SAMMSON: variants seen among roughly 807,000 people sequenced by gnomAD.
The protein encoded by SAMMSON is survival associated mitochondrial melanoma specific oncogenic non-coding RNA.
At chr3:70,372,091 A>G (rs1424923799) in intron 9 of SAMMSON, among the ~76,000 whole-genome samples, 3 of 152,140 alleles carry the variant, frequency 2.0e-5, no homozygotes, top group African/African-American at 7.2e-5. Context: ...ATTGAGAATC[A>G]TCAGAAATTT....
intron 4 of SAMMSON, among the ~76,000 whole-genome samples, chr3:70,193,318 A>G (rs1394766422): frequency 6.6e-6 from 1 of 152,130 alleles, no homozygotes; most frequent in Non-Finnish European, 1.5e-5. Context: ...TTTGAGGACA[A>G]GGTCTTGCTC....
At chr3:70,009,458 G>C (rs551274352) in intron 1 of SAMMSON, among the ~76,000 whole-genome samples, 145 of 152,250 alleles carry the variant, frequency 9.5e-4, no homozygotes, top group South Asian at 2.7e-3. Context: ...ATGGTAGTTT[G>C]TATTTCTGTG....
At chr3:70,056,403 G>A (rs930722163) in intron 3 of SAMMSON, among the ~76,000 whole-genome samples, 1 of 151,976 alleles carries the variant, frequency 6.6e-6, no homozygotes, top group Non-Finnish European at 1.5e-5. Context: ...AAAGACTTAC[G>A]AGCTTCTTAA....
chr3:70,087,293 C>T (rs1376685612), intron 4 of SAMMSON, among the ~76,000 whole-genome samples: 1 of 152,160 alleles, frequency 6.6e-6, no homozygotes, highest in Non-Finnish European at 1.5e-5. Flanking sequence ...TGCAAATAAA[C>T]ATTAGCTTAT....
chr3:70,090,531 C>T (rs751749087), intron 4 of SAMMSON, among the ~76,000 whole-genome samples: 5 of 152,154 alleles, frequency 3.3e-5, no homozygotes, highest in Non-Finnish European at 5.9e-5. Context: ...AGGAGGAAAC[C>T]TCAACCCATG....
chr3:70,382,007 A>G (rs937387710), intron 9 of SAMMSON, among the ~76,000 whole-genome samples: 5 of 152,126 alleles, frequency 3.3e-5, no homozygotes, highest in Non-Finnish European at 7.4e-5. Flanking sequence ...TATTGTGATT[A>G]TGTGGGAAAA....
intron 6 of SAMMSON, among the ~76,000 whole-genome samples, chr3:70,260,246 A>G (rs1362973726): frequency 6.6e-6 from 1 of 151,864 alleles, no homozygotes; most frequent in Non-Finnish European, 1.5e-5. Flanking sequence ...CCTAACTCCA[A>G]TCTCTGCCTT....
intron 2 of SAMMSON, among the ~76,000 whole-genome samples, chr3:70,415,460 T>A (rs1701256549): frequency 6.6e-6 from 1 of 152,128 alleles, no homozygotes; most frequent in South Asian, 2.1e-4. Context: ...GATTGTTTGA[T>A]GTTTATTACA....
intron 4 of SAMMSON, among the ~76,000 whole-genome samples, chr3:70,075,931 G>GA (rs1323722210): frequency 1.3e-5 from 2 of 150,190 alleles, no homozygotes; most frequent in Non-Finnish European, 3.0e-5. Flanking sequence ...ATTACAGTAG[G>GA]CTCATAACAC....
intron 4 of SAMMSON, among the ~76,000 whole-genome samples, chr3:70,150,957 T>C (rs2067568892): frequency 6.6e-6 from 1 of 152,032 alleles, no homozygotes; most frequent in African/African-American, 2.4e-5. Context: ...ACATTCTGGG[T>C]TATCAGATTA....
chr3:70,062,457 C>T (rs2067193916), intron 3 of SAMMSON, among the ~76,000 whole-genome samples: 1 of 152,058 alleles, frequency 6.6e-6, no homozygotes, highest in Admixed American at 6.6e-5. Context: ...AATGTAAGCT[C>T]ATTGAGGACA....
At chr3:70,132,404 C>G (rs1355471925) in intron 4 of SAMMSON, among the ~76,000 whole-genome samples, 1 of 152,152 alleles carries the variant, frequency 6.6e-6, no homozygotes, top group African/African-American at 2.4e-5. Flanking sequence ...GAGGTACATG[C>G]TGTGTACATG....
intron 4 of SAMMSON, chr3:70,206,752 G>T (rs1701295027): frequency 2.5e-6 from 1 of 397,734 alleles, no homozygotes; most frequent in Non-Finnish European, 4.4e-6. Flanking sequence ...GCATTAATGG[G>T]TTTCTCATCT....
At chr3:70,037,560 A>G (rs1183462874) in intron 3 of SAMMSON, among the ~76,000 whole-genome samples, 1 of 152,170 alleles carries the variant, frequency 6.6e-6, no homozygotes, top group Admixed American at 6.6e-5. Context: ...ATCTGGTGAT[A>G]TTATCTCTGT....
intron 4 of SAMMSON, among the ~76,000 whole-genome samples, chr3:70,244,748 C>T (rs752231148): frequency 1.2e-4 from 19 of 152,170 alleles, no homozygotes; most frequent in Admixed American, 2.6e-4. Flanking sequence ...TAAAATGGTA[C>T]TTATATTTTG....
At chr3:70,020,471 C>A (rs1297489891) in intron 3 of SAMMSON, among the ~76,000 whole-genome samples, 1 of 152,146 alleles carries the variant, frequency 6.6e-6, no homozygotes, top group African/African-American at 2.4e-5. Context: ...ACTGTGGCAT[C>A]TGTGGTAGTG....
intron 9 of SAMMSON, among the ~76,000 whole-genome samples, chr3:70,384,345 A>G (rs971190421): frequency 6.6e-6 from 1 of 152,074 alleles, no homozygotes; most frequent in African/African-American, 2.4e-5. Context: ...AAATGATAGG[A>G]AGGCATCAAA....
chr3:70,370,457 C>T (rs1160633878), intron 9 of SAMMSON, among the ~76,000 whole-genome samples: 1 of 152,006 alleles, frequency 6.6e-6, no homozygotes, highest in Non-Finnish European at 1.5e-5. Flanking sequence ...TCTCTACATC[C>T]TTGTCAGCAT....
In SAMMSON at chr3:70,263,800, C is replaced by T. The variant is rs189570775; in HGVS notation, n.674+14130C>T. Among the ~76,000 whole-genome samples, 601 of 152,188 alleles carry T rather than the reference C, an allele frequency of 3.9e-3. 1 individual carries two copies. Among genetic ancestry groups the T allele is most frequent in the African/African-American group, 0.014 (572 of 41,536 alleles). On this transcript the variant is annotated intron_variant and non_coding_transcript_variant, in intron 6 of 9. Transcript: ENST00000642114. ...CACTGTCTGGCTCCATCTGGGTTCC[C>T]GTTGCTATATCACAGTCCAGAAATT...
Sources: gnomAD v4.1 joint callset for allele counts (sites outside exome capture counted in the v4.1 genomes callset) on GRCh38, gnomAD v4.1.1 for gene constraint, MANE v1.5 for transcripts, NCBI Gene and HGNC (gene_info 2026-07-23, HGNC 2026-07-21) for gene names.